PANX1: variants seen among roughly 807,000 people sequenced by gnomAD.
The protein encoded by PANX1 is pannexin 1.
PANX1 carries 30 observed loss-of-function variants against 38.7 expected under a neutral mutation model. That is an observed-to-expected ratio of 0.78 (90% CI 0.58 to 1.05). PANX1 has a LOEUF of 1.05. PANX1 is among the 50% of genes least tolerant of loss of function. PANX1 has a pLI of 0.00. For synonymous variants in PANX1, 230 were observed against 212.2 expected (o/e 1.08, Z -0.73); for missense variants, 551 against 517.2 (o/e 1.07, Z -0.63).
Position 94,153,520 on chromosome 11 carries a change from T to A in PANX1, c.211T>A (p.Ser71Thr), listed in dbSNP as rs776097123. 1 of 1,614,202 alleles carries A rather than the reference T, an allele frequency of 6.2e-7. No homozygotes were observed. Residue 71 changes from serine to threonine, a missense_variant, in exon 2 of 5, where the codon TCT (serine) becomes ACT (threonine). Coordinates refer to ENST00000227638, the MANE Select transcript of PANX1 (RefSeq NM_015368.4). ...GTQISCFSPS[S>T]FSWRQAAFVD... ...ACAGATAAGCTGTTTCTCTCCAAGT[T>A]CTTTCTCCTGGCGTCAGGCTGCCTT...
At chr11:94,154,995 C>A (rs1946931538) in intron 2 of PANX1, among the ~76,000 whole-genome samples, 1 of 152,160 alleles carries the variant, frequency 6.6e-6, no homozygotes, top group Non-Finnish European at 1.5e-5. Context: ...CACCTGAAGT[C>A]AGGAGTTTGA....
intron 2 of PANX1, among the ~76,000 whole-genome samples, chr11:94,164,450 T>G (rs1248782932): frequency 6.6e-6 from 1 of 152,260 alleles, no homozygotes; most frequent in Admixed American, 6.5e-5. Flanking sequence ...CTTAATCTCT[T>G]CATTGACCCA....
chr11:94,142,267 C>G (rs1186412862), intron 1 of PANX1, among the ~76,000 whole-genome samples: 10 of 152,148 alleles, frequency 6.6e-5, no homozygotes, highest in Admixed American at 6.5e-4. Context: ...CAACCTCACC[C>G]TCAGTTCAGC....
At chr11:94,155,624 CGTT>C (rs1297495673) in intron 2 of PANX1, among the ~76,000 whole-genome samples, 2 of 152,200 alleles carry the variant, frequency 1.3e-5, no homozygotes, top group Admixed American at 1.3e-4. Context: ...TCTTCATCCT[CGTT>C]GTCTTTATGT....
chr11:94,154,940 G>A (rs967502663), intron 2 of PANX1, among the ~76,000 whole-genome samples: 2 of 152,202 alleles, frequency 1.3e-5, no homozygotes, highest in African/African-American at 2.4e-5. Flanking sequence ...GTAATTGTGG[G>A]TTTTGCCATT....
intron 1 of PANX1, among the ~76,000 whole-genome samples, chr11:94,136,950 G>C (rs1002077861): frequency 2.6e-5 from 4 of 151,978 alleles, no homozygotes; most frequent in Admixed American, 6.6e-5. Flanking sequence ...ACACAGTCAT[G>C]GCGGAAGGCA....
intron 2 of PANX1, among the ~76,000 whole-genome samples, chr11:94,156,418 G>A (rs1946949266): frequency 6.6e-6 from 1 of 152,160 alleles, no homozygotes; most frequent in Admixed American, 6.5e-5. Flanking sequence ...CACAAGGCTG[G>A]GGACAGAAAT....
intron 2 of PANX1, among the ~76,000 whole-genome samples, chr11:94,156,958 T>C (rs1005054521): frequency 1.3e-5 from 2 of 151,956 alleles, no homozygotes; most frequent in Non-Finnish European, 2.9e-5. Flanking sequence ...TTCCCAACTA[T>C]GAGCAAGAAC....
At chr11:94,158,337 G>A (rs1168909842) in intron 2 of PANX1, among the ~76,000 whole-genome samples, 2 of 152,134 alleles carry the variant, frequency 1.3e-5, no homozygotes. Context: ...ATTACCTTGG[G>A]CAGTATGGCC....
Position 94,129,341 on chromosome 11 carries a change from A to C in PANX1, c.29A>C (p.Tyr10Ser). 6.2e-7 allele frequency: 1 copy of C among 1,613,660 alleles called. No homozygotes were observed. The highest frequency in any genetic ancestry group is 2.2e-5 in the East Asian group (1 of 44,846). MAIAQLATEYVFSDFLLKEP... is the reference protein window; with the variant it reads MAIAQLATESVFSDFLLKEP... ...GCCATCGCTCAACTGGCCACGGAGT[A>C]CGTGTTCTCGGATTTCTTGCTGAAG... is the stretch of plus-strand genomic sequence containing the variant. The change falls in exon 1 of 5, where the codon TAC becomes TCC. Residue 10 changes from tyrosine (Y) to serine (S), a missense_variant. By Grantham distance (144) the Tyr-to-Ser change is moderately radical. Coordinates refer to ENST00000227638, the MANE Select transcript of PANX1 (RefSeq NM_015368.4).
intron 2 of PANX1, among the ~76,000 whole-genome samples, chr11:94,154,020 T>C (rs1946917508): frequency 1.3e-5 from 2 of 152,202 alleles, no homozygotes; most frequent in South Asian, 4.1e-4. Context: ...CTAGCACCTT[T>C]TCTACCACAC....
At chr11:94,161,219 C>G (rs564387652) in intron 2 of PANX1, among the ~76,000 whole-genome samples, 1 of 152,010 alleles carries the variant, frequency 6.6e-6, no homozygotes, top group Non-Finnish European at 1.5e-5. Flanking sequence ...TTGCTCTTCT[C>G]GAGGAGTATC....
intron 3 of PANX1, 79 bp from the exon 4 acceptor site, chr11:94,179,523 T>C (rs1288729233): frequency 6.0e-6 from 6 of 1,005,978 alleles, no homozygotes; most frequent in South Asian, 4.4e-5. Flanking sequence ...TAGTGTGACA[T>C]TGTTGAATGT....
chr11:94,141,466 C>T (rs1946760764), intron 1 of PANX1, among the ~76,000 whole-genome samples: 2 of 152,156 alleles, frequency 1.3e-5, no homozygotes, highest in Non-Finnish European at 2.9e-5. Context: ...CCAGTGCCCA[C>T]CTTTTTCTTT....
At chr11:94,151,019 G>C (rs1946878133) in intron 1 of PANX1, among the ~76,000 whole-genome samples, 1 of 152,126 alleles carries the variant, frequency 6.6e-6, no homozygotes, top group South Asian at 2.1e-4. Flanking sequence ...CTTGGGTAGG[G>C]GATTACTGAA....
chr11:94,166,831 G>C (rs185616916), intron 2 of PANX1, among the ~76,000 whole-genome samples: 2 of 152,304 alleles, frequency 1.3e-5, no homozygotes, highest in Admixed American at 1.3e-4. Flanking sequence ...TTGGAGTTGG[G>C]AGAGAGGTGA....
chr11:94,130,891 A>G (rs1946622463), intron 1 of PANX1, among the ~76,000 whole-genome samples: 2 of 152,232 alleles, frequency 1.3e-5, no homozygotes, highest in Admixed American at 1.3e-4. Flanking sequence ...CTGCAGCACT[A>G]AGTTGTTCAG....
At chr11:94,144,312 T>A (rs1946801700) in intron 1 of PANX1, among the ~76,000 whole-genome samples, 1 of 152,112 alleles carries the variant, frequency 6.6e-6, no homozygotes, top group South Asian at 2.1e-4. Context: ...GTGACCAGTC[T>A]GGGGTTGCTG....
intron 1 of PANX1, 78 bp downstream of exon 1, chr11:94,129,571 C>T (rs369317573): frequency 2.5e-5 from 33 of 1,316,162 alleles, no homozygotes; most frequent in Admixed American, 6.0e-5. Context: ...CTCACAGGCC[C>T]GAGTCTGGGT....
Sources: allele counts gnomAD v4.1 joint callset (sites outside exome capture counted in the v4.1 genomes callset), GRCh38; gene constraint gnomAD v4.1.1; transcripts MANE v1.5; gene names NCBI Gene and HGNC (gene_info 2026-07-23, HGNC 2026-07-21).